NYAP2: variants seen among roughly 807,000 people sequenced by gnomAD.
The protein encoded by NYAP2 is neuronal tyrosine-phosphorylated phosphoinositide-3-kinase adapter 2.
Under a neutral mutation model 50.4 loss-of-function variants are expected in NYAP2, and 23 were observed. The ratio of observed to expected loss-of-function variants is 0.46; its 90% CI spans 0.33 to 0.65. The LOEUF is 0.65. Among genes scored for constraint, NYAP2 ranks in the 30% least tolerant of loss-of-function variants. The pLI, the probability that NYAP2 is intolerant of heterozygous loss-of-function variation, is 0.02. For missense variants in NYAP2, 885 were observed against 861.0 expected (o/e 1.03, Z -0.35); for synonymous variants, 394 against 365.2 (o/e 1.08, Z -0.90).
exon 7 of NYAP2, chr2:225,652,891 T>C (rs1693759685): frequency 6.6e-6 from 1 of 152,222 alleles, no homozygotes; most frequent in African/African-American, 2.4e-5. Flanking sequence ...TATAAATATA[T>C]GAGGTATCTG....
chr2:225,528,417 G>A (rs754091161), intron 4 of NYAP2, among the ~76,000 whole-genome samples: 1 of 152,084 alleles, frequency 6.6e-6, no homozygotes, highest in African/African-American at 2.4e-5. Flanking sequence ...GCCGCAAAGT[G>A]CTTGGATTAT....
At chr2:225,455,942 G>C (rs192906702) in intron 3 of NYAP2, among the ~76,000 whole-genome samples, 8 of 152,290 alleles carry the variant, frequency 5.3e-5, no homozygotes, top group African/African-American at 1.7e-4. Flanking sequence ...AGAGTCTGAT[G>C]CGTTCATTCT....
chr2:225,623,903 T>C (rs1348139342), intron 5 of NYAP2, among the ~76,000 whole-genome samples: 1 of 152,214 alleles, frequency 6.6e-6, no homozygotes. Flanking sequence ...AATGCCTTCT[T>C]TTAGCAACCT....
At chr2:225,611,724 T>G (rs1459102588) in intron 5 of NYAP2, among the ~76,000 whole-genome samples, 1 of 152,082 alleles carries the variant, frequency 6.6e-6, no homozygotes, top group Non-Finnish European at 1.5e-5. Flanking sequence ...AGGAGTTCTA[T>G]TCAGGCAGAG....
the NYAP2 span, among the ~76,000 whole-genome samples, chr2:225,669,416 A>G: frequency 2.0e-5 from 3 of 152,294 alleles, no homozygotes; most frequent in Non-Finnish European, 2.9e-5. Context: ...TCGTATGGAC[A>G]AAAATGGGCA....
At chr2:225,594,082 C>T (rs1311318741) in intron 5 of NYAP2, among the ~76,000 whole-genome samples, 1 of 151,988 alleles carries the variant, frequency 6.6e-6, no homozygotes, top group Non-Finnish European at 1.5e-5. Flanking sequence ...GGTTTCGGTA[C>T]AAATGAATGA....
intron 3 of NYAP2, among the ~76,000 whole-genome samples, chr2:225,503,736 A>T (rs1212348478): frequency 6.6e-6 from 1 of 152,220 alleles, no homozygotes; most frequent in East Asian, 1.9e-4. Flanking sequence ...CCTAGCCATG[A>T]TTACCCTAAG....
At chr2:225,457,904 TG>T (rs1486065003) in intron 3 of NYAP2, among the ~76,000 whole-genome samples, 2 of 152,232 alleles carry the variant, frequency 1.3e-5, no homozygotes, top group South Asian at 2.1e-4. Flanking sequence ...TCATCTATGA[TG>T]TTTTTTTAGA....
intron 3 of NYAP2, among the ~76,000 whole-genome samples, chr2:225,428,394 T>A (rs1695316891): frequency 6.6e-6 from 1 of 152,190 alleles, no homozygotes; most frequent in South Asian, 2.1e-4. Flanking sequence ...TGTGTTTTCC[T>A]ACTCAGGTAC....
intron 4 of NYAP2, among the ~76,000 whole-genome samples, chr2:225,548,739 G>A (rs1691624450): frequency 6.6e-6 from 1 of 152,172 alleles, no homozygotes; most frequent in African/African-American, 2.4e-5. Flanking sequence ...ATTGGGAAAT[G>A]CTTCTGAAAA....
At chr2:225,702,644 G>C in the NYAP2 span, 1 of 151,762 alleles carries the variant, frequency 6.6e-6, no homozygotes, top group Non-Finnish European at 1.5e-5. Context: ...ATCATTAAAA[G>C]GGTAACACAT....
chr2:225,646,007 G>A (rs1303170263), intron 6 of NYAP2, among the ~76,000 whole-genome samples: 1 of 152,148 alleles, frequency 6.6e-6, no homozygotes, highest in African/African-American at 2.4e-5. Context: ...ATTGCACTTT[G>A]ATGTCACAGG....
At chr2:225,422,450 A>C (rs745684540) in intron 3 of NYAP2, among the ~76,000 whole-genome samples, 2 of 152,118 alleles carry the variant, frequency 1.3e-5, no homozygotes, top group Non-Finnish European at 2.9e-5. Flanking sequence ...CTCATGACAA[A>C]TTTTTTTCAG....
At chr2:225,548,886 A>ACTT (rs1691626976) in intron 4 of NYAP2, among the ~76,000 whole-genome samples, 1 of 146,608 alleles carries the variant, frequency 6.8e-6, no homozygotes, top group African/African-American at 2.5e-5. Context: ...GAATGCAGCA[A>ACTT]TTTTTTTTTT....
At position 225,582,673 on chromosome 2, in the gene NYAP2, C is replaced by T. The variant is rs749778663; in HGVS notation, c.1256C>T (p.Thr419Met). ...TCCTCGTCGCCCCCACCCCCGTCTACGCTGTACCGAACCCAGTCTCCCCAT... is the reference window on the plus strand; with the variant it reads ...TCCTCGTCGCCCCCACCCCCGTCTATGCTGTACCGAACCCAGTCTCCCCAT... The change falls in exon 5 of 7, where the codon ACG (threonine) becomes ATG (methionine). Residue 419 changes from threonine to methionine, a missense_variant. Coordinates refer to ENST00000636099, the Ensembl canonical transcript of NYAP2. This position sits in a 1 kb window ranked among gnomAD's most constrained non-coding sequence, Gnocchi z 7.0. The T allele has an allele frequency of 3.7e-6, 6 of 1,600,828 alleles. No homozygotes were observed. The highest frequency in any genetic ancestry group is 3.4e-5 in the Admixed American group (2 of 59,036).
intron 4 of NYAP2, among the ~76,000 whole-genome samples, chr2:225,551,462 C>G (rs1320037730): frequency 6.6e-6 from 1 of 152,160 alleles, no homozygotes; most frequent in East Asian, 1.9e-4. Context: ...GCATGAGAGA[C>G]TTCAGCTATA....
intron 3 of NYAP2, among the ~76,000 whole-genome samples, chr2:225,433,467 T>C (rs995862293): frequency 9.2e-5 from 14 of 151,978 alleles, no homozygotes; most frequent in Non-Finnish European, 1.3e-4. Context: ...TAGGTAACCA[T>C]AAATTAAACA....
At chr2:225,424,954 C>A (rs76061176) in intron 3 of NYAP2, among the ~76,000 whole-genome samples, 2 of 152,042 alleles carry the variant, frequency 1.3e-5, no homozygotes, top group African/African-American at 2.4e-5. Context: ...AGATTGAGTT[C>A]GTTTCCATCA....
At position 225,511,327 on chromosome 2, in the gene NYAP2, AACACACACACACACAC is replaced by A. The variant is rs571887973; in HGVS notation, c.222-2012_222-1997del. Among the ~76,000 whole-genome samples, 82 of 129,916 alleles carry A rather than the reference AACACACACACACACAC, an allele frequency of 6.3e-4. 1 individual carries two copies. Among genetic ancestry groups the A allele is most frequent in the African/African-American group, 1.8e-3 (59 of 33,140 alleles). The allele number at this position is 129,916 out of a possible 152,430, so 85.2% of individuals were successfully genotyped here. ...GTATGTCTTAATTGCCGTTCTTTAA[AACACACACACACACAC>A]ACACACACACACACACACACACACA... On this transcript the variant is annotated intron_variant, in intron 3 of 6. Coordinates refer to ENST00000636099, the Ensembl canonical transcript of NYAP2.
Sources: gnomAD v4.1 joint callset for allele counts (sites outside exome capture counted in the v4.1 genomes callset) on GRCh38, gnomAD v4.1.1 for gene constraint, Gnocchi (gnomAD v3.1) non-coding constraint, MANE v1.5 for transcripts, NCBI Gene and HGNC (gene_info 2026-07-23, HGNC 2026-07-21) for gene names.